The following WDR72 variants were observed in gnomAD, a reference collection of about 807,000 sequenced individuals.
WDR72 encodes WD repeat domain 72.
A neutral mutation model predicts 124.2 loss-of-function variants in WDR72; 120 were observed. The observed-to-expected ratio is 0.97, with a 90% confidence interval of 0.83 to 1.12. WDR72 has a LOEUF of 1.12. WDR72 is among the 50% of genes most tolerant of loss of function. WDR72 has a pLI of 0.00. For missense variants in WDR72, 1,387 were observed against 1,278.8 expected (o/e 1.08, Z -1.29); for synonymous variants, 452 against 441.7 (o/e 1.02, Z -0.29).
chr15:53,660,004 T>C (rs541789176), intron 14 of WDR72, among the ~76,000 whole-genome samples: 1 of 152,012 alleles, frequency 6.6e-6, no homozygotes, highest in Admixed American at 6.6e-5. Context: ...TCATCAAGTG[T>C]TTGAAATGTA....
chr15:53,640,996 TATTC>T (rs1419528781), intron 14 of WDR72, among the ~76,000 whole-genome samples: 1 of 152,044 alleles, frequency 6.6e-6, no homozygotes, highest in Non-Finnish European at 1.5e-5. Context: ...GTAGTAAAAA[TATTC>T]ATTTTTTTCA....
chr15:53,600,687 T>C (rs889303966), intron 17 of WDR72, among the ~76,000 whole-genome samples: 18 of 152,192 alleles, frequency 1.2e-4, no homozygotes, highest in Non-Finnish European at 2.5e-4. Flanking sequence ...TTCCAGTGTC[T>C]AGTTTTTTTG....
At chr15:53,753,896 C>T (rs761424913) in intron 1 of WDR72, among the ~76,000 whole-genome samples, 4 of 152,136 alleles carry the variant, frequency 2.6e-5, no homozygotes, top group Non-Finnish European at 5.9e-5. Flanking sequence ...AAATCTAAAT[C>T]CCCTGGCTAC....
intron 13 of WDR72, among the ~76,000 whole-genome samples, chr15:53,669,588 A>G (rs553471558): frequency 2.6e-5 from 4 of 152,090 alleles, no homozygotes; most frequent in Non-Finnish European, 5.9e-5. Flanking sequence ...TCCTGATTAA[A>G]CCCTGATTAA....
At chr15:53,557,622 G>A (rs182124985) in intron 18 of WDR72, among the ~76,000 whole-genome samples, 2 of 151,946 alleles carry the variant, frequency 1.3e-5, no homozygotes, top group Admixed American at 1.3e-4. Context: ...GAGTTCTTGT[G>A]TAATGAAATC....
intron 18 of WDR72, among the ~76,000 whole-genome samples, chr15:53,580,520 A>G (rs1017035765): frequency 6.6e-6 from 1 of 152,036 alleles, no homozygotes; most frequent in African/African-American, 2.4e-5. Flanking sequence ...AAAATGGCCC[A>G]CTGCAGCTAC....
At chr15:53,711,061 C>A in intron 8 of WDR72, 108 bp from the exon 9 acceptor site, 1 of 1,017,886 alleles carries the variant, frequency 9.8e-7, no homozygotes, top group Non-Finnish European at 1.5e-6. Context: ...AGTTTCTAAA[C>A]TCTAGTTAGA....
intron 14 of WDR72, among the ~76,000 whole-genome samples, chr15:53,628,086 C>T (rs2014281978): frequency 6.6e-6 from 1 of 152,012 alleles, no homozygotes; most frequent in Non-Finnish European, 1.5e-5. Context: ...TTGTGCTTAT[C>T]ACATTAATTA....
chr15:53,666,840 C>T (rs1158326380), intron 13 of WDR72, among the ~76,000 whole-genome samples: 1 of 152,178 alleles, frequency 6.6e-6, no homozygotes, highest in African/African-American at 2.4e-5. Context: ...CTCTCCCACT[C>T]TTCTATAGCC....
At chr15:53,650,893 G>GTTTTTTTTTT (rs71297666) in intron 14 of WDR72, among the ~76,000 whole-genome samples, 8 of 106,780 alleles carry the variant, frequency 7.5e-5, no homozygotes, top group African/African-American at 3.0e-4. Context: ...CTCTAATTCA[G>GTTTTTTTTTT]TTTTTTTTTT....
In WDR72 at chr15:53,699,856, G is replaced by T; in HGVS notation, c.1659C>A (p.Ala553=). ...HLEGKSCLLH[A]RKHLFPVRMI... ...TCCTCACAGGAAAAAGGTGCTTCCG[G>T]GCATGCAGGAGGCAACTCTTTCCCT... The change falls in exon 13 of 20, where the codon GCC becomes GCA. Residue 553 remains alanine (A), a synonymous_variant. Coordinates refer to ENST00000360509, the MANE Select transcript of WDR72 (RefSeq NM_182758.4). The T allele has an allele frequency of 6.2e-7, 1 of 1,614,030 alleles. No homozygotes were observed. The highest frequency in any genetic ancestry group is 8.5e-7 in the Non-Finnish European group (1 of 1,180,002).
chr15:53,700,714 G>A (rs189357436), intron 12 of WDR72, among the ~76,000 whole-genome samples: 3 of 152,012 alleles, frequency 2.0e-5, no homozygotes, highest in Admixed American at 1.3e-4. Flanking sequence ...AGGGAGGATT[G>A]GGATACATGT....
At chr15:53,575,223 G>C (rs1421556211) in intron 18 of WDR72, among the ~76,000 whole-genome samples, 1 of 152,046 alleles carries the variant, frequency 6.6e-6, no homozygotes, top group Non-Finnish European at 1.5e-5. Flanking sequence ...TTTGAAAACT[G>C]TCAAGTCAGA....
At chr15:53,737,855 T>G (rs2018400946) in intron 1 of WDR72, among the ~76,000 whole-genome samples, 1 of 152,116 alleles carries the variant, frequency 6.6e-6, no homozygotes, top group Admixed American at 6.6e-5. Context: ...AAAAATACAT[T>G]TCAATGAGAC....
At chr15:53,694,733 T>G (rs1307767825) in intron 13 of WDR72, among the ~76,000 whole-genome samples, 1 of 152,242 alleles carries the variant, frequency 6.6e-6, no homozygotes, top group East Asian at 1.9e-4. Context: ...AACCTCTCTG[T>G]GTTCTATTTC....
chr15:53,599,604 T>G (rs1280282648), intron 17 of WDR72, among the ~76,000 whole-genome samples: 1 of 152,084 alleles, frequency 6.6e-6, no homozygotes, highest in Non-Finnish European at 1.5e-5. Context: ...CCACAATGTG[T>G]ACAGACTATA....
intron 14 of WDR72, among the ~76,000 whole-genome samples, chr15:53,623,088 G>A (rs1029720413): frequency 3.9e-5 from 6 of 152,076 alleles, no homozygotes; most frequent in African/African-American, 1.4e-4. Context: ...TCAAAAAAGT[G>A]TAAAATATTG....
chr15:53,617,166 G>C (rs922719348), intron 14 of WDR72, among the ~76,000 whole-genome samples: 13 of 151,820 alleles, frequency 8.6e-5, no homozygotes, highest in African/African-American at 3.1e-4. Flanking sequence ...TTATTAGGCA[G>C]ACAAAATAAT....
intron 18 of WDR72, among the ~76,000 whole-genome samples, chr15:53,588,903 G>A (rs1416404769): frequency 6.6e-6 from 1 of 151,894 alleles, no homozygotes; most frequent in Non-Finnish European, 1.5e-5. Flanking sequence ...AGGGCTCTGT[G>A]TCAGCAGCAT....
Sources: gnomAD v4.1 joint callset for allele counts (sites outside exome capture counted in the v4.1 genomes callset) on GRCh38, gnomAD v4.1.1 for gene constraint, MANE v1.5 for transcripts, NCBI Gene and HGNC (gene_info 2026-07-23, HGNC 2026-07-21) for gene names.